LRSAM1: variants seen among roughly 807,000 people sequenced by gnomAD.
The protein encoded by LRSAM1 is E3 ubiquitin-protein ligase LRSAM1.
LRSAM1 carries 96 observed loss-of-function variants against 118.1 expected under a neutral mutation model. The ratio of observed to expected loss-of-function variants is 0.81; its 90% CI spans 0.69 to 0.96. The LOEUF (loss-of-function observed/expected upper bound fraction) is 0.96. Among genes scored for constraint, LRSAM1 ranks in the 40% least tolerant of loss-of-function variants. LRSAM1 has a pLI of 0.00. For missense variants in LRSAM1, 804 were observed against 915.5 expected (o/e 0.88, Z 1.57); for synonymous variants, 322 against 364.2 (o/e 0.88, Z 1.32).
At chr9:127,485,628 G>A in intron 16 of LRSAM1, 108 bp from the exon 17 acceptor site, 3 of 955,136 alleles carry the variant, frequency 3.1e-6, no homozygotes, top group South Asian at 2.6e-5. Flanking sequence ...ACCAGGTGAG[G>A]CCTCAAGGCC....
rs139977216 is a variant in LRSAM1 at position 127,465,203 on chromosome 9, G to A, written c.529-2537G>A. On this transcript the variant is annotated intron_variant, in intron 9 of 25. Transcript: ENST00000300417. The surrounding 1 kb of genome is among the most constrained non-coding windows in gnomAD (Gnocchi z 4.1). ...ACACATGGCCAGCATGCAATGAGCC[G>A]GGATCTGAAGCCATGGCGGTGTCTT... Among the ~76,000 whole-genome samples the A allele has an allele frequency of 1.4e-3, 217 of 152,210 alleles. No homozygotes were observed. The highest frequency in any genetic ancestry group is 4.9e-3 in the African/African-American group (203 of 41,526).
chr9:127,496,313 G>A (rs575211972), intron 23 of LRSAM1, among the ~76,000 whole-genome samples: 10 of 152,354 alleles, frequency 6.6e-5, no homozygotes, highest in African/African-American at 2.4e-4. Flanking sequence ...CTGGGGAGGT[G>A]GGTCCTGCTG....
chr9:127,468,807 C>T, intron 10 of LRSAM1, among the ~76,000 whole-genome samples: 1 of 56,658 alleles, frequency 1.8e-5, no homozygotes, highest in Non-Finnish European at 3.3e-5. Flanking sequence ...AACCCTGTCT[C>T]TACAAAAAAA....
intron 10 of LRSAM1, among the ~76,000 whole-genome samples, chr9:127,469,857 A>C (rs992582593): frequency 3.9e-5 from 6 of 151,904 alleles, no homozygotes; most frequent in African/African-American, 4.8e-5. Context: ...CCCAGCTACT[A>C]GGGAGGCTGA....
At chr9:127,466,504 A>ATTTT (rs869115663) in intron 9 of LRSAM1, among the ~76,000 whole-genome samples, 9 of 24,528 alleles carry the variant, frequency 3.7e-4, no homozygotes, top group East Asian at 9.8e-4. Context: ...ATATATATAT[A>ATTTT]TTTTTTTTTT....
At chr9:127,462,006 T>C (rs927720592) in intron 8 of LRSAM1, among the ~76,000 whole-genome samples, 8 of 152,182 alleles carry the variant, frequency 5.3e-5, no homozygotes, top group Admixed American at 1.3e-4. Context: ...TGGGTGGCAG[T>C]GTCATCCCCA....
At chr9:127,457,248 C>G in intron 5 of LRSAM1, 68 bp from the exon 6 acceptor site, 4 of 1,582,872 alleles carry the variant, frequency 2.5e-6, no homozygotes, top group Non-Finnish European at 3.5e-6. Flanking sequence ...GGCTGGCTCC[C>G]ACGCCCTTAG....
At chr9:127,491,162 C>T in intron 19 of LRSAM1, 53 bp from the exon 20 acceptor site, 1 of 1,481,380 alleles carries the variant, frequency 6.8e-7, no homozygotes, top group Non-Finnish European at 9.4e-7. Context: ...CAGCACAAAA[C>T]TGAACTGTGG....
chr9:127,467,865 G>A (rs368243544), intron 10 of LRSAM1, 35 bp downstream of exon 10: 36 of 1,545,464 alleles, frequency 2.3e-5, no homozygotes, highest in Non-Finnish European at 3.1e-5. Context: ...CCCTCATTGA[G>A]GAACTATGAC....
At chr9:127,501,264 T>C in intron 25 of LRSAM1, 121 bp downstream of exon 25, 1 of 1,289,262 alleles carries the variant, frequency 7.8e-7, no homozygotes, top group Non-Finnish European at 1.1e-6. Context: ...TGTGCTCATC[T>C]AGAAAGAAGG....
At chr9:127,493,948 G>A (rs41313847) in intron 21 of LRSAM1, among the ~76,000 whole-genome samples, 6,185 of 152,324 alleles carry the variant, frequency 0.041, 176 homozygotes, top group Non-Finnish European at 0.06. Context: ...AGCTGCTTCT[G>A]GAGCCCTGAA....
intron 11 of LRSAM1, among the ~76,000 whole-genome samples, chr9:127,476,829 C>A (rs1835364831): frequency 6.6e-6 from 1 of 152,030 alleles, no homozygotes; most frequent in Non-Finnish European, 1.5e-5. Context: ...CACCTGCCAC[C>A]ACGCCTGGCT....
intron 6 of LRSAM1, 132 bp downstream of exon 6, chr9:127,457,525 A>G: frequency 4.7e-6 from 4 of 848,262 alleles, no homozygotes; most frequent in East Asian, 2.7e-5. Context: ...GGATTTGATC[A>G]GTATGGTTTA....
chr9:127,472,479 T>C (rs1447698590), intron 10 of LRSAM1, among the ~76,000 whole-genome samples: 2 of 151,740 alleles, frequency 1.3e-5, no homozygotes, highest in Non-Finnish European at 2.9e-5. Flanking sequence ...CTGTCTCTAC[T>C]AAAAATACAA....
chr9:127,489,668 T>C (rs1835860219), intron 19 of LRSAM1, 150 bp downstream of exon 19: 1 of 837,226 alleles, frequency 1.2e-6, no homozygotes, highest in Admixed American at 2.1e-5. Flanking sequence ...CCTCAGAACC[T>C]CCCTTTGCTC....
intron 24 of LRSAM1, among the ~76,000 whole-genome samples, chr9:127,498,310 A>G (rs1836234548): frequency 1.3e-5 from 2 of 152,166 alleles, no homozygotes; most frequent in Admixed American, 1.3e-4. Flanking sequence ...TAGCTTTTTG[A>G]TATCAAGTCA....
intron 10 of LRSAM1, 135 bp downstream of exon 10, chr9:127,467,965 C>A: frequency 1.2e-6 from 1 of 823,334 alleles, no homozygotes; most frequent in Non-Finnish European, 2.0e-6. Flanking sequence ...CGAGGTCTGG[C>A]AAGGGAAACA....
chr9:127,497,117 C>T, intron 23 of LRSAM1, 136 bp from the exon 24 acceptor site: 1 of 862,456 alleles, frequency 1.2e-6, no homozygotes, highest in Non-Finnish European at 1.9e-6. Context: ...GTGGGCCCCG[C>T]CAGGCCCCGG....
At position 127,465,531 on chromosome 9, in the gene LRSAM1, G is replaced by T. The variant is rs952977070; in HGVS notation, c.529-2209G>T. The stretch of plus-strand genomic sequence containing the variant: ...CCATGTGGGGTTCATTTGCTTCCAG[G>T]TATGGGGTTTTCTGCTGTTGGGCCC... On this transcript the variant is annotated intron_variant, in intron 9 of 25. Transcript: ENST00000300417. This position sits in a 1 kb window ranked among gnomAD's most constrained non-coding sequence, Gnocchi z 4.1. Among the ~76,000 whole-genome samples, 12 of 152,204 alleles carry T rather than the reference G, an allele frequency of 7.9e-5. No homozygotes were observed. Among genetic ancestry groups the T allele is most frequent in the African/African-American group, 2.9e-4 (12 of 41,456 alleles).
Sources: gnomAD v4.1 joint callset for allele counts (sites outside exome capture counted in the v4.1 genomes callset) on GRCh38, gnomAD v4.1.1 for gene constraint, Gnocchi (gnomAD v3.1) non-coding constraint, MANE v1.5 for transcripts, NCBI Gene and HGNC (gene_info 2026-07-23, HGNC 2026-07-21) for gene names.